The following AKAP14 variants were observed in gnomAD, a reference collection of about 807,000 sequenced individuals.
AKAP14 encodes the protein A-kinase anchor protein 14.
Under a neutral mutation model 17.0 loss-of-function variants are expected in AKAP14, and 4 were observed. That is an observed-to-expected ratio of 0.23 (90% confidence interval 0.12 to 0.54). The LOEUF (loss-of-function observed/expected upper bound fraction) is 0.54, where lower values mean the gene tolerates loss of function less well. Ranked by LOEUF, AKAP14 falls within the 20% of genes least tolerant of loss-of-function variation. AKAP14 has a pLI of 0.95. For synonymous variants in AKAP14, 42 were observed against 51.3 expected, an observed-to-expected ratio of 0.82 and a Z score of 0.77; for missense variants, 129 against 150.9, an observed-to-expected ratio of 0.85 and a Z score of 0.76.
chrX:119,898,576 ACC>A (rs1225827233), intron 2 of AKAP14, among the ~76,000 whole-genome samples: 78 of 109,156 alleles, frequency 7.1e-4, no homozygotes, highest in Non-Finnish European at 1.3e-3. Flanking sequence ...CAGGTGTATC[ACC>A]TGAGGTCAGG....
chrX:119,916,630 C>T (rs2056659984), intron 5 of AKAP14, among the ~76,000 whole-genome samples: 1 of 100,794 alleles, frequency 9.9e-6, no homozygotes, highest in South Asian at 4.8e-4. Context: ...TATGGGACTA[C>T]AGGCATGCAC....
intron 2 of AKAP14, among the ~76,000 whole-genome samples, chrX:119,897,140 T>G (rs2056533555): frequency 9.5e-6 from 1 of 105,802 alleles, no homozygotes; most frequent in African/African-American, 3.5e-5. Context: ...CTTTCTTTTC[T>G]TCTTTCCTTC....
chrX:119,900,563 C>G (rs945108276), intron 2 of AKAP14, among the ~76,000 whole-genome samples: 1 of 111,557 alleles, frequency 9.0e-6, no homozygotes, highest in African/African-American at 3.3e-5. Context: ...GACAGGGTCT[C>G]GCTCTGTCAC....
intron 4 of AKAP14, among the ~76,000 whole-genome samples, chrX:119,906,225 CTTTTTTTTTTTT>C (rs10637499): frequency 3.9e-5 from 2 of 50,887 alleles, no homozygotes; most frequent in African/African-American, 8.8e-5. Context: ...CCTGGCATTT[CTTTTTTTTTTTT>C]TTTTTTTTTT....
intron 4 of AKAP14, among the ~76,000 whole-genome samples, chrX:119,907,892 T>G (rs1569469516): frequency 8.9e-6 from 1 of 112,174 alleles, no homozygotes; most frequent in Non-Finnish European, 1.9e-5. Flanking sequence ...TACTTTTGGA[T>G]GACAAAAATA....
intron 3 of AKAP14, 32 bp downstream of exon 3, chrX:119,903,424 A>G: frequency 2.5e-6 from 3 of 1,210,659 alleles, no homozygotes; most frequent in Non-Finnish European, 3.4e-6. Context: ...ATGCCTAAAT[A>G]ATTGTCTATA....
chrX:119,912,081 C>T (rs1028244413), intron 4 of AKAP14, among the ~76,000 whole-genome samples: 19 of 110,046 alleles, frequency 1.7e-4, no homozygotes, highest in Non-Finnish European at 5.7e-5. Context: ...CAGGCGCCCA[C>T]CACCACGCCC....
chrX:119,902,052 A>G (rs1603377323), intron 2 of AKAP14, among the ~76,000 whole-genome samples: 1 of 93,049 alleles, frequency 1.1e-5, no homozygotes, highest in African/African-American at 4.2e-5. Flanking sequence ...AAAACAAAAC[A>G]CTGTCTTTAT....
chrX:119,913,421 G>A (rs901379461), intron 4 of AKAP14, among the ~76,000 whole-genome samples: 1 of 112,170 alleles, frequency 8.9e-6, no homozygotes, highest in African/African-American at 3.2e-5. Context: ...CCAATTAATT[G>A]AACCTGCCTC....
At chrX:119,918,262 C>T (rs756438345) in intron 5 of AKAP14, among the ~76,000 whole-genome samples, 1 of 111,121 alleles carries the variant, frequency 9.0e-6, no homozygotes, top group Non-Finnish European at 1.9e-5. Context: ...GATGGAGTCT[C>T]GTTCTGTCTT....
Position 119,903,566 on chromosome X carries a change from C to A in AKAP14, c.241C>A (p.Gln81Lys). The A allele has an allele frequency of 1.5e-5, 18 of 1,211,382 alleles. No homozygotes were observed. Among genetic ancestry groups the A allele is most frequent in the Non-Finnish European group, 2.0e-5 (18 of 895,378 alleles). The change falls in exon 4 of 7, where the codon CAA becomes AAA. Residue 81 changes from glutamine (Q) to lysine (K), a missense_variant. Gln to Lys is a moderately conservative substitution (Grantham distance 53). Transcript: ENST00000371431. ...GEFTVEKGLKQIDEYFSKCVS... is the reference protein window; with the variant it reads ...GEFTVEKGLKKIDEYFSKCVS... ...ATTCACTGTGGAAAAGGGTCTTAAA[C>A]AAATTGACGAATATTTTTCGGTAAG...
chrX:119,908,897 G>A (rs1603377940), intron 4 of AKAP14, among the ~76,000 whole-genome samples: 1 of 111,670 alleles, frequency 9.0e-6, no homozygotes, highest in East Asian at 2.8e-4. Flanking sequence ...TTCACAAAAG[G>A]GAGGAAAAAT....
chrX:119,898,562 A>G (rs1331772970), intron 2 of AKAP14, among the ~76,000 whole-genome samples: 106 of 108,852 alleles, frequency 9.7e-4, no homozygotes, highest in Non-Finnish European at 1.7e-3. Flanking sequence ...AGATTACACC[A>G]AGGCAGGTGT....
chrX:119,920,312 T>C (rs1261176169), intron 6 of AKAP14, among the ~76,000 whole-genome samples, 196 bp from the exon 7 acceptor site: 1 of 110,929 alleles, frequency 9.0e-6, no homozygotes, highest in Non-Finnish European at 1.9e-5. Context: ...AGCTCATAAA[T>C]CCTTTCATTG....
Position 119,920,447 on chromosome X carries a change from T to G in AKAP14, c.495-61T>G, listed in dbSNP as rs967596602. Reference sequence around the variant, plus strand: ...GAGTAAATAGGGAATCCCCTTTGTTTGATTTTAAAAGCTTTTGATTTAAAA... The same window carrying G: ...GAGTAAATAGGGAATCCCCTTTGTTGGATTTTAAAAGCTTTTGATTTAAAA... On this transcript the variant is annotated intron_variant, in intron 6 of 6. Coordinates refer to ENST00000371431, the MANE Select transcript of AKAP14 (RefSeq NM_178813.6). 32 of 968,144 alleles carry G rather than the reference T, an allele frequency of 3.3e-5. No individual in the cohort carries two copies. The Admixed American group carries it at 7.7e-4, about 23-fold the overall frequency. The allele number at this position is 968,144 out of a possible 1,213,427, so 79.8% of individuals were successfully genotyped here. A position where few individuals can be genotyped will look rare whatever the true frequency, so the allele number is the denominator to read the frequency against.
intron 4 of AKAP14, among the ~76,000 whole-genome samples, chrX:119,914,344 A>G (rs2056645102): frequency 9.0e-6 from 1 of 110,821 alleles, no homozygotes; most frequent in Non-Finnish European, 1.9e-5. Context: ...TTTTAGGGAT[A>G]GGGTCTTGCT....
intron 2 of AKAP14, among the ~76,000 whole-genome samples, chrX:119,897,279 A>C (rs979840125): frequency 1.6e-4 from 17 of 105,742 alleles, no homozygotes; most frequent in Non-Finnish European, 3.3e-4. Context: ...CCTGCCTCAG[A>C]CCCCCAAGTA....
chrX:119,908,298 A>AG (rs2056609350), intron 4 of AKAP14, among the ~76,000 whole-genome samples: 5 of 102,464 alleles, frequency 4.9e-5, no homozygotes, highest in Non-Finnish European at 8.0e-5. Context: ...AAAAAAAAAA[A>AG]AAAAGAAGGA....
intron 4 of AKAP14, among the ~76,000 whole-genome samples, chrX:119,906,257 C>T (rs752965526): frequency 0.011 from 717 of 62,498 alleles, 9 homozygotes; most frequent in Middle Eastern, 0.075. Context: ...TTTTTTGAGA[C>T]GGAGTCTCAC....
Sources: allele counts gnomAD v4.1 joint callset (sites outside exome capture counted in the v4.1 genomes callset), GRCh38; gene constraint gnomAD v4.1.1; transcripts MANE v1.5; gene names NCBI Gene and HGNC (gene_info 2026-07-23, HGNC 2026-07-21).